The following ZNF462 variants were observed in gnomAD, a reference collection of about 807,000 sequenced individuals.
The protein encoded by ZNF462 is zinc finger protein 462.
Under a neutral mutation model 201.9 loss-of-function variants are expected in ZNF462, and 10 were observed. The ratio of observed to expected loss-of-function variants is 0.05; its 90% CI spans 0.03 to 0.08. The LOEUF is 0.08. ZNF462 is among the 10% of genes least tolerant of loss of function. ZNF462 has a pLI of 1.00. For synonymous variants in ZNF462, 1,227 were observed against 1,193.3 expected, an observed-to-expected ratio of 1.03 and a Z score of -0.58; for missense variants, 2,523 against 3,168.3, an observed-to-expected ratio of 0.80 and a Z score of 4.89.
intron 1 of ZNF462, among the ~76,000 whole-genome samples, chr9:106,881,677 T>C (rs1392529659): frequency 1.3e-5 from 2 of 152,220 alleles, no homozygotes; most frequent in African/African-American, 2.4e-5. Flanking sequence ...GAAATCCCAA[T>C]TGAGGGCTCC....
In ZNF462 at chr9:106,924,668, C is replaced by G. The variant is rs751673649; in HGVS notation, c.756C>G (p.Thr252=). 2 of 1,614,060 alleles carry G rather than the reference C, an allele frequency of 1.2e-6. No individual in the cohort carries two copies. The highest frequency in any genetic ancestry group is 3.3e-5 in the Admixed American group (2 of 60,010). The change falls in exon 3 of 13, where the codon ACC becomes ACG. Residue 252 remains threonine, a synonymous_variant. Transcript: ENST00000277225. This position sits in a 1 kb window ranked among gnomAD's most constrained non-coding sequence, Gnocchi z 6.2. ...GTTGTGAGTGGTGCAGCTACCAGACCCCCCGCCGAGAACGCTGGTGTGACC... is the reference window on the plus strand; with the variant it reads ...GTTGTGAGTGGTGCAGCTACCAGACGCCCCGCCGAGAACGCTGGTGTGACC... ...NFCCEWCSYQ[T]PRRERWCDHM... is the part of the protein sequence containing the mutation.
At chr9:106,869,656 C>T (rs1827503167) in intron 1 of ZNF462, among the ~76,000 whole-genome samples, 1 of 152,132 alleles carries the variant, frequency 6.6e-6, no homozygotes, top group Non-Finnish European at 1.5e-5. Flanking sequence ...GTGTGGCACT[C>T]CTCCAAATGA....
At chr9:106,949,532 C>A (rs1298012602) in intron 7 of ZNF462, among the ~76,000 whole-genome samples, 1 of 152,206 alleles carries the variant, frequency 6.6e-6, no homozygotes, top group Non-Finnish European at 1.5e-5. Context: ...ACCCCAGTGG[C>A]AACACCATAG....
At chr9:106,889,421 G>T (rs1828475533) in intron 1 of ZNF462, among the ~76,000 whole-genome samples, 1 of 152,196 alleles carries the variant, frequency 6.6e-6, no homozygotes, top group African/African-American at 2.4e-5. Flanking sequence ...ATGTGGTATA[G>T]GTACGGGGGA....
At chr9:106,945,063 T>A (rs1831046234) in intron 7 of ZNF462, among the ~76,000 whole-genome samples, 2 of 152,176 alleles carry the variant, frequency 1.3e-5, no homozygotes, top group Non-Finnish European at 2.9e-5. Context: ...TTGGGGGGAA[T>A]AATTACAGCA....
In ZNF462 at chr9:106,903,273, C is replaced by T. The variant is rs534911142; in HGVS notation, c.-30-20081C>T. Among the ~76,000 whole-genome samples the T allele has an allele frequency of 2.0e-5, 3 of 152,062 alleles. No individual in the cohort carries two copies. The East Asian group carries it at 5.8e-4, about 29-fold the overall frequency. On this transcript the variant is annotated intron_variant, in intron 1 of 12. Transcript: ENST00000277225. Reference sequence around the variant, plus strand: ...TTGGAATTGCTTTCCAGTTTTATTCCACTGTGGTCTGAGAGAGTGCTTAAA... The same window carrying T: ...TTGGAATTGCTTTCCAGTTTTATTCTACTGTGGTCTGAGAGAGTGCTTAAA...
chr9:106,994,620 C>G (rs1336757770), intron 10 of ZNF462, among the ~76,000 whole-genome samples: 1 of 152,096 alleles, frequency 6.6e-6, no homozygotes, highest in Non-Finnish European at 1.5e-5. Flanking sequence ...TTTCTGCTTT[C>G]CCTCATGCAG....
chr9:106,958,342 A>G (rs1291948692), intron 7 of ZNF462, among the ~76,000 whole-genome samples: 1 of 152,118 alleles, frequency 6.6e-6, no homozygotes, highest in Non-Finnish European at 1.5e-5. Flanking sequence ...TTCTGAGCTT[A>G]GCATGGAAAG....
At chr9:106,998,048 A>G (rs1455845246) in intron 10 of ZNF462, among the ~76,000 whole-genome samples, 1 of 152,186 alleles carries the variant, frequency 6.6e-6, no homozygotes, top group Non-Finnish European at 1.5e-5. Context: ...AAAAATATTT[A>G]CTTATCTGGC....
intron 7 of ZNF462, among the ~76,000 whole-genome samples, chr9:106,947,670 A>G (rs1290026409): frequency 6.6e-6 from 1 of 152,238 alleles, no homozygotes. Context: ...CTCATTTGAA[A>G]GAGAAGGGCA....
At chr9:106,985,758 C>T (rs1428231936) in intron 10 of ZNF462, among the ~76,000 whole-genome samples, 3 of 152,138 alleles carry the variant, frequency 2.0e-5, no homozygotes, top group Non-Finnish European at 4.4e-5. Context: ...GAATCATCTG[C>T]ACCCATGGGT....
At chr9:106,957,928 G>A (rs1253932131) in intron 7 of ZNF462, among the ~76,000 whole-genome samples, 5 of 152,058 alleles carry the variant, frequency 3.3e-5, no homozygotes, top group Non-Finnish European at 7.4e-5. Context: ...GAGCAGAGAA[G>A]GTAGCCTACT....
rs1832161352 is a variant in ZNF462, at chr9:106,968,059, C to T, written c.6428-3946C>T. ...CTCTACTATGTGTTTATTGCTGAAG[C>T]AACGTTCATGTTCTTTTTGGCTCCT... On this transcript the variant is annotated intron_variant, in intron 7 of 12. Coordinates refer to ENST00000277225, the MANE Select transcript of ZNF462 (RefSeq NM_021224.6). This position sits in a 1 kb window ranked among gnomAD's most constrained non-coding sequence, Gnocchi z 4.0. Among the ~76,000 whole-genome samples the T allele has an allele frequency of 6.6e-6, 1 of 152,164 alleles. No individual in the cohort carries two copies. Among genetic ancestry groups the T allele is most frequent in the African/African-American group, 2.4e-5 (1 of 41,446 alleles).
intron 10 of ZNF462, among the ~76,000 whole-genome samples, chr9:106,994,907 A>G (rs1227363771): frequency 1.3e-5 from 2 of 152,124 alleles, no homozygotes; most frequent in Non-Finnish European, 2.9e-5. Context: ...TATTTATCTC[A>G]CCTTTCTTTC....
intron 1 of ZNF462, among the ~76,000 whole-genome samples, chr9:106,877,543 C>T (rs1024798054): frequency 6.6e-5 from 10 of 151,852 alleles, no homozygotes; most frequent in African/African-American, 2.4e-4. Flanking sequence ...GCATGCACCA[C>T]CATGCCTGGC....
chr9:106,868,420 T>C (rs985402986), intron 1 of ZNF462, among the ~76,000 whole-genome samples: 17 of 152,238 alleles, frequency 1.1e-4, no homozygotes, highest in African/African-American at 2.4e-4. Flanking sequence ...CTTAGTGTTA[T>C]GTGGAAGAAC....
chr9:106,864,267 G>C (rs796510618), intron 1 of ZNF462, among the ~76,000 whole-genome samples: 9 of 152,004 alleles, frequency 5.9e-5, no homozygotes, highest in African/African-American at 2.2e-4. Context: ...GCTGTCTCCA[G>C]GCTGGAGGTT....
chr9:106,975,186 T>TC (rs1826906744), intron 9 of ZNF462: 1 of 152,356 alleles, frequency 6.6e-6, no homozygotes, highest in Non-Finnish European at 1.5e-5. Context: ...TACTGATCTT[T>TC]CCATCTACTT....
At position 106,988,087 on chromosome 9, in the gene ZNF462, A is replaced by T. The variant is rs140403856; in HGVS notation, c.7056+3678A>T. ...ACAGCATAGTACAGTTTGAAATCAG[A>T]TAGTGTGATTGTAGTAGTCTGTTTT... On this transcript the variant is annotated intron_variant, in intron 10 of 12. Transcript: ENST00000277225. 1.7e-3 allele frequency among the ~76,000 whole-genome samples: 260 copies of T among 152,246 alleles called. 1 individual carries two copies. Among genetic ancestry groups the T allele is most frequent in the South Asian group, 7.7e-3 (37 of 4,824 alleles).
Sources: allele counts gnomAD v4.1 joint callset (sites outside exome capture counted in the v4.1 genomes callset), GRCh38; gene constraint gnomAD v4.1.1; non-coding constraint Gnocchi (gnomAD v3.1); transcripts MANE v1.5; gene names NCBI Gene and HGNC (gene_info 2026-07-23, HGNC 2026-07-21).